Variants in C12orf42 observed in about 807,000 individuals in gnomAD.
C12orf42 encodes chromosome 12 open reading frame 42.
Under a neutral mutation model 21.6 loss-of-function variants are expected in C12orf42, and 25 were observed. The observed-to-expected ratio is 1.16, with a 90% CI of 0.84 to 1.62. The LOEUF is 1.62. Ranked by LOEUF, C12orf42 falls within the 40% of genes most tolerant of loss-of-function variation. The pLI is 0.00. For missense variants in C12orf42, 483 were observed against 459.3 expected (o/e 1.05, Z -0.47); for synonymous variants, 174 against 175.0 (o/e 0.99, Z 0.05).
intron 4 of C12orf42, among the ~76,000 whole-genome samples, chr12:103,293,768 G>A (rs73185850): frequency 0.14 from 21,249 of 152,022 alleles, 1,613 homozygotes; most frequent in South Asian, 0.22. Flanking sequence ...ATATTACTAC[G>A]TCTTCATTGA....
chr12:103,230,905 T>C, the C12orf42 span, among the ~76,000 whole-genome samples: 1 of 152,168 alleles, frequency 6.6e-6, no homozygotes, highest in Non-Finnish European at 1.5e-5. Context: ...TTTTTGACCT[T>C]TCTTTTTCTA....
At chr12:103,147,302 A>G in the C12orf42 span, among the ~76,000 whole-genome samples, 1 of 152,070 alleles carries the variant, frequency 6.6e-6, no homozygotes, top group African/African-American at 2.4e-5. Context: ...TCATTTTTCT[A>G]AGCAATTATT....
intron 1 of C12orf42, among the ~76,000 whole-genome samples, chr12:103,480,173 A>G (rs1712086830): frequency 6.6e-6 from 1 of 151,736 alleles, no homozygotes; most frequent in South Asian, 2.1e-4. Context: ...AGTAAACTGC[A>G]TTTTTCAAAT....
chr12:103,309,710 G>C (rs1371064630), intron 4 of C12orf42, among the ~76,000 whole-genome samples: 4 of 152,220 alleles, frequency 2.6e-5, no homozygotes, highest in Non-Finnish European at 5.9e-5. Context: ...GAAAAAGTTA[G>C]AGTTCTTGAT....
chr12:103,166,829 CT>C, the C12orf42 span, among the ~76,000 whole-genome samples: 13 of 151,542 alleles, frequency 8.6e-5, no homozygotes, highest in Non-Finnish European at 1.5e-4. Context: ...TTTCATCCAT[CT>C]TTTTTTTTCC....
At chr12:103,306,494 G>A in intron 4 of C12orf42, 149 bp from the exon 5 acceptor site, 2 of 929,342 alleles carry the variant, frequency 2.2e-6, no homozygotes, top group East Asian at 5.3e-5. Context: ...TAGGGTAGCT[G>A]AGTAGGAGAA....
chr12:103,468,079 T>A (rs1009874168), intron 2 of C12orf42, among the ~76,000 whole-genome samples: 1 of 152,246 alleles, frequency 6.6e-6, no homozygotes, highest in African/African-American at 2.4e-5. Flanking sequence ...AAGTTTCATA[T>A]GCTGTGCTTT....
the C12orf42 span, among the ~76,000 whole-genome samples, chr12:103,153,553 G>T: frequency 6.6e-6 from 1 of 152,032 alleles, no homozygotes; most frequent in Non-Finnish European, 1.5e-5. Context: ...GATCTTCCAT[G>T]GCTAACAAAT....
At chr12:103,462,854 T>C (rs573589616) in intron 2 of C12orf42, among the ~76,000 whole-genome samples, 6 of 152,310 alleles carry the variant, frequency 3.9e-5, no homozygotes, top group Non-Finnish European at 8.8e-5. Context: ...ACATCTTTTG[T>C]TTTTCACTTC....
the C12orf42 span, among the ~76,000 whole-genome samples, chr12:103,551,970 GTCA>G: frequency 6.6e-6 from 1 of 152,146 alleles, no homozygotes; most frequent in Non-Finnish European, 1.5e-5. Flanking sequence ...TTTTTATCCA[GTCA>G]TCATGAAATT....
chr12:103,068,065 C>A, the C12orf42 span, among the ~76,000 whole-genome samples: 1 of 152,132 alleles, frequency 6.6e-6, no homozygotes, highest in Non-Finnish European at 1.5e-5. Flanking sequence ...AAAGCATGAC[C>A]TGCTGAGGTG....
chr12:103,532,079 CCTAA>C, the C12orf42 span, among the ~76,000 whole-genome samples: 1 of 152,174 alleles, frequency 6.6e-6, no homozygotes, highest in African/African-American at 2.4e-5. Context: ...AAGAAACTCA[CCTAA>C]CTTTTATGCA....
chr12:103,476,230 A>G (rs866326023), intron 2 of C12orf42, among the ~76,000 whole-genome samples: 20 of 152,206 alleles, frequency 1.3e-4, no homozygotes, highest in African/African-American at 4.8e-4. Context: ...CCTGCGGAAA[A>G]TAACAGCTCT....
chr12:103,397,449 T>C (rs913042088), intron 3 of C12orf42, among the ~76,000 whole-genome samples: 1 of 152,152 alleles, frequency 6.6e-6, no homozygotes, highest in African/African-American at 2.4e-5. Flanking sequence ...CACTAGATTA[T>C]CACAGGAGCT....
downstream of C12orf42, chr12:103,267,757 G>A (rs2035243028): frequency 6.6e-6 from 1 of 151,980 alleles, no homozygotes; most frequent in Admixed American, 6.6e-5. Context: ...AAACTGGAAG[G>A]ATAAATTTAA....
chr12:103,131,173 A>G, the C12orf42 span, among the ~76,000 whole-genome samples: 1 of 152,212 alleles, frequency 6.6e-6, no homozygotes, highest in African/African-American at 2.4e-5. Context: ...CCTATGCCAC[A>G]GTATTGCATC....
At chr12:103,233,470 C>A (rs1032498144), downstream of C12orf42, among the ~76,000 whole-genome samples, 5 of 152,140 alleles carry the variant, frequency 3.3e-5, no homozygotes, top group African/African-American at 1.2e-4. Context: ...AAATAACTCT[C>A]TGTTTATTTA....
At chr12:103,072,375 C>A in the C12orf42 span, among the ~76,000 whole-genome samples, 2 of 151,674 alleles carry the variant, frequency 1.3e-5, no homozygotes, top group Non-Finnish European at 2.9e-5. Flanking sequence ...GATCCTATAC[C>A]ATCTATTCTC....
intron 3 of C12orf42, among the ~76,000 whole-genome samples, chr12:103,385,133 G>A (rs897949823): frequency 6.6e-6 from 1 of 152,142 alleles, no homozygotes; most frequent in African/African-American, 2.4e-5. Flanking sequence ...CAAATTGGTG[G>A]ACTTGATCAA....
Sources: allele counts gnomAD v4.1 joint callset (sites outside exome capture counted in the v4.1 genomes callset), GRCh38; gene constraint gnomAD v4.1.1; transcripts MANE v1.5; gene names NCBI Gene and HGNC (gene_info 2026-07-23, HGNC 2026-07-21).